SERTM1: variants seen among roughly 807,000 people sequenced by gnomAD.
SERTM1 encodes the protein serine rich and transmembrane domain containing 1.
Under a neutral mutation model 5.5 loss-of-function variants are expected in SERTM1, and 1 was observed. The observed-to-expected ratio is 0.18, with a 90% CI of 0.06 to 0.86. The LOEUF is 0.86. SERTM1 is among the 40% of genes least tolerant of loss of function. The pLI is 0.69. For synonymous variants in SERTM1, 52 were observed against 55.1 expected (o/e 0.94, Z 0.25); for missense variants, 91 against 122.4 (o/e 0.74, Z 1.21).
intron 1 of SERTM1, among the ~76,000 whole-genome samples, chr13:36,685,359 G>C (rs1162743202): frequency 6.6e-6 from 1 of 152,150 alleles, no homozygotes; most frequent in Non-Finnish European, 1.5e-5. Flanking sequence ...CCCTTCCCAG[G>C]TGTCCTTGGA....
chr13:36,687,962 C>CA lies in SERTM1; in HGVS notation c.-173-6934dup, dbSNP rs1230193567. On this transcript the variant is annotated intron_variant, in intron 1 of 1. Coordinates refer to ENST00000315190, the MANE Select transcript of SERTM1 (RefSeq NM_203451.3). ...TAGTTTACATGCAAAGGATTAAAAA[C>CA]AAAAAAAAAAGCTCTGGCTGACTTA... 6.6e-3 allele frequency among the ~76,000 whole-genome samples: 954 copies of CA among 145,470 alleles called. 9 individuals carry two copies. The highest frequency in any genetic ancestry group is 0.017 in the African/African-American group (692 of 39,896).
At chr13:36,677,701 C>T (rs1480279379) in intron 1 of SERTM1, among the ~76,000 whole-genome samples, 1 of 152,114 alleles carries the variant, frequency 6.6e-6, no homozygotes, top group Non-Finnish European at 1.5e-5. Flanking sequence ...ATTCACTTCC[C>T]AGGGGAGGCC....
At chr13:36,682,088 C>T (rs2056708912) in intron 1 of SERTM1, among the ~76,000 whole-genome samples, 1 of 152,124 alleles carries the variant, frequency 6.6e-6, no homozygotes, top group Middle Eastern at 3.2e-3. Flanking sequence ...TGATGCTTAC[C>T]CCCTTTGAGT....
chr13:36,689,453 C>T (rs1426295151), intron 1 of SERTM1, among the ~76,000 whole-genome samples: 11 of 150,630 alleles, frequency 7.3e-5, no homozygotes, highest in East Asian at 3.9e-4. Flanking sequence ...TGCAGTGAGC[C>T]GAGATCATGC....
chr13:36,678,485 G>A (rs941059577), intron 1 of SERTM1, among the ~76,000 whole-genome samples: 6 of 151,430 alleles, frequency 4.0e-5, no homozygotes, highest in African/African-American at 1.2e-4. Flanking sequence ...CACAGGGAGG[G>A]GAACAACACA....
At position 36,684,212 on chromosome 13, in the gene SERTM1, G is replaced by T. The variant is rs652166; in HGVS notation, c.-174+10028G>T. On this transcript the variant is annotated intron_variant, in intron 1 of 1. Transcript: ENST00000315190. Reference sequence around the variant, plus strand: ...CTGGGGAGGCTGAGGCATGAGAATCGCTTGAACCCAGGAGGCAGATGTTGC... The same window carrying T: ...CTGGGGAGGCTGAGGCATGAGAATCTCTTGAACCCAGGAGGCAGATGTTGC... Among the ~76,000 whole-genome samples, 1,447 of 152,160 alleles carry T rather than the reference G, an allele frequency of 9.5e-3. 24 individuals carry two copies. The highest frequency in any genetic ancestry group is 0.031 in the African/African-American group (1,269 of 41,506).
chr13:36,688,198 G>A (rs1038260941), intron 1 of SERTM1, among the ~76,000 whole-genome samples: 9 of 151,650 alleles, frequency 5.9e-5, no homozygotes, highest in Non-Finnish European at 1.3e-4. Flanking sequence ...GGTTTTATGA[G>A]AATTCTATTT....
chr13:36,691,908 G>A (rs2138098050), intron 1 of SERTM1, among the ~76,000 whole-genome samples: 1 of 152,226 alleles, frequency 6.6e-6, no homozygotes, highest in South Asian at 2.1e-4. Flanking sequence ...TACAGCTACT[G>A]TTAAATAAAA....
At chr13:36,689,224 A>G (rs1376899639) in intron 1 of SERTM1, among the ~76,000 whole-genome samples, 1 of 152,014 alleles carries the variant, frequency 6.6e-6, no homozygotes, top group Non-Finnish European at 1.5e-5. Context: ...TAATAGTTAC[A>G]TCCAGGCGTG....
At chr13:36,687,686 G>A (rs1455138846) in intron 1 of SERTM1, among the ~76,000 whole-genome samples, 1 of 152,000 alleles carries the variant, frequency 6.6e-6, no homozygotes, top group Non-Finnish European at 1.5e-5. Context: ...GAAGTTTGGG[G>A]TCTGTGTTAT....
rs770797682 is a variant in SERTM1, at chr13:36,695,586, G to T, written c.*184G>T. 1.6e-5 allele frequency: 10 copies of T among 619,478 alleles called. No homozygotes were observed. The highest frequency in any genetic ancestry group is 9.2e-5 in the Admixed American group (3 of 32,730). The allele number at this position is 619,478 out of a possible 1,614,324, so 38.4% of individuals were successfully genotyped here. On this transcript the variant is annotated 3_prime_UTR_variant, in exon 2 of 2. Transcript: ENST00000315190. Reference sequence around the variant, plus strand: ...ATTTGGGGATGGAGACACCGATGTTGGTGGAAATGTGTGCAAACCCCAAGG... The same window carrying T: ...ATTTGGGGATGGAGACACCGATGTTTGTGGAAATGTGTGCAAACCCCAAGG...
intron 1 of SERTM1, among the ~76,000 whole-genome samples, chr13:36,691,265 C>G (rs1024552563): frequency 6.6e-6 from 1 of 152,062 alleles, no homozygotes; most frequent in African/African-American, 2.4e-5. Flanking sequence ...TTTCTTCTTC[C>G]CAAACATTAT....
chr13:36,684,741 G>C (rs967749606), intron 1 of SERTM1, among the ~76,000 whole-genome samples: 9 of 151,974 alleles, frequency 5.9e-5, no homozygotes, highest in Admixed American at 5.9e-4. Flanking sequence ...GAAAGTGTAG[G>C]CTATTTCTAC....
At chr13:36,676,237 C>T (rs2056669226) in intron 1 of SERTM1, among the ~76,000 whole-genome samples, 1 of 151,876 alleles carries the variant, frequency 6.6e-6, no homozygotes, top group African/African-American at 2.4e-5. Context: ...ACCAACCATA[C>T]TAACCTTTAA....
intron 1 of SERTM1, among the ~76,000 whole-genome samples, chr13:36,690,781 TG>T (rs1176220078): frequency 3.3e-5 from 5 of 152,234 alleles, no homozygotes; most frequent in Non-Finnish European, 7.3e-5. Flanking sequence ...ATCTTCCTTT[TG>T]TGTACTGGAA....
intron 1 of SERTM1, among the ~76,000 whole-genome samples, chr13:36,685,775 G>A (rs1346435320): frequency 1.3e-5 from 2 of 152,198 alleles, no homozygotes; most frequent in Non-Finnish European, 1.5e-5. Flanking sequence ...CTTTTTATCT[G>A]TGGAACTTGC....
At chr13:36,679,537 A>T (rs2056690441) in intron 1 of SERTM1, among the ~76,000 whole-genome samples, 1 of 152,074 alleles carries the variant, frequency 6.6e-6, no homozygotes, top group South Asian at 2.1e-4. Context: ...CCTCCTGAGT[A>T]GCTGGGATCA....
chr13:36,685,104 C>T (rs1024772064), intron 1 of SERTM1, among the ~76,000 whole-genome samples: 2 of 152,204 alleles, frequency 1.3e-5, no homozygotes, highest in African/African-American at 4.8e-5. Flanking sequence ...CAACAGGCTG[C>T]TGAAGACTTG....
intron 1 of SERTM1, among the ~76,000 whole-genome samples, chr13:36,688,182 C>T (rs1243982775): frequency 4.0e-5 from 6 of 151,624 alleles, no homozygotes; most frequent in Admixed American, 6.6e-5. Context: ...TGTCCTAGCA[C>T]GGCATGGTTT....
Sources: gnomAD v4.1 joint callset for allele counts (sites outside exome capture counted in the v4.1 genomes callset) on GRCh38, gnomAD v4.1.1 for gene constraint, MANE v1.5 for transcripts, NCBI Gene and HGNC (gene_info 2026-07-23, HGNC 2026-07-21) for gene names.